Variants in CHRM5 observed in about 807,000 individuals in gnomAD.
CHRM5 encodes cholinergic receptor muscarinic 5, also known as muscarinic acetylcholine receptor M5.
CHRM5 carries 18 observed loss-of-function variants against 39.0 expected under a neutral mutation model. The observed-to-expected ratio is 0.46, with a 90% confidence interval of 0.32 to 0.68. The LOEUF (loss-of-function observed/expected upper bound fraction) is 0.68. Among genes scored for constraint, CHRM5 ranks in the 30% least tolerant of loss-of-function variants. The pLI is 0.04. For missense variants in CHRM5, 515 were observed against 651.1 expected (o/e 0.79, Z 2.28); for synonymous variants, 241 against 246.3 (o/e 0.98, Z 0.20).
rs1296613659 is a variant in CHRM5, at chr15:34,062,815, T to C, written c.98T>C (p.Ile33Thr). The C allele has an allele frequency of 1.9e-6, 3 of 1,614,226 alleles. No homozygotes were observed. Among genetic ancestry groups the C allele is most frequent in the East Asian group, 2.2e-5 (1 of 44,886 alleles). The part of the protein sequence containing the change: ...ERHRLWEVIT[I>T]AAVTAVVSLI... ...CACAGGTTGTGGGAAGTCATCACCA[T>C]TGCAGCTGTGACTGCTGTGGTAAGC... is the stretch of plus-strand genomic sequence containing the variant. The change falls in exon 3 of 3, where the codon ATT becomes ACT. Residue 33 changes from isoleucine (I) to threonine (T), a missense_variant. Transcript: ENST00000383263.
chr15:34,058,336 C>T (rs1336663859), intron 2 of CHRM5, among the ~76,000 whole-genome samples: 2 of 152,058 alleles, frequency 1.3e-5, no homozygotes, highest in Non-Finnish European at 2.9e-5. Flanking sequence ...TAAAAAATTA[C>T]AGGAGGTCAT....
chr15:34,066,234 A>G lies in CHRM5; in HGVS notation c.*1918A>G, dbSNP rs1453517607. 2 of 152,246 alleles carry G rather than the reference A, an allele frequency of 1.3e-5. No individual in the cohort carries two copies. The highest frequency in any genetic ancestry group is 2.1e-4 in the South Asian group (1 of 4,838). The allele number at this position is 152,246 out of a possible 1,614,324, so 9.4% of individuals were successfully genotyped here. A position where few individuals can be genotyped will look rare whatever the true frequency, so the allele number is the denominator to read the frequency against. ...GAGGCTTTCGGGCCTCCGTGATGCC[A>G]ACTGGGTGTGACTTCATGAGCAAAC... On this transcript the variant is annotated 3_prime_UTR_variant, in exon 3 of 3. Coordinates refer to ENST00000383263, the MANE Select transcript of CHRM5 (RefSeq NM_012125.4).
At chr15:33,973,576 C>T (rs1233298147) in intron 1 of CHRM5, among the ~76,000 whole-genome samples, 1 of 152,008 alleles carries the variant, frequency 6.6e-6, no homozygotes, top group Non-Finnish European at 1.5e-5. Flanking sequence ...TATGGCCAAG[C>T]GCAACCTGTA....
chr15:34,012,612 G>C (rs1001720681), intron 1 of CHRM5, among the ~76,000 whole-genome samples: 1 of 152,108 alleles, frequency 6.6e-6, no homozygotes, highest in Admixed American at 6.5e-5. Flanking sequence ...ATCTACCAGC[G>C]TAAGTCTGGT....
At chr15:33,981,612 GAGTGCAAT>G (rs1409488784) in intron 1 of CHRM5, among the ~76,000 whole-genome samples, 1 of 152,156 alleles carries the variant, frequency 6.6e-6, no homozygotes. Context: ...CAGGGGGCGA[GAGTGCAAT>G]ATAAAGAATA....
intron 1 of CHRM5, among the ~76,000 whole-genome samples, chr15:34,017,728 C>T (rs1898003069): frequency 6.6e-6 from 1 of 152,118 alleles, no homozygotes; most frequent in Non-Finnish European, 1.5e-5. Context: ...GATCCACCCA[C>T]CTCAGCCTCC....
chr15:33,979,601 T>C (rs1032885806), intron 1 of CHRM5, among the ~76,000 whole-genome samples: 3 of 152,400 alleles, frequency 2.0e-5, no homozygotes, highest in South Asian at 2.1e-4. Flanking sequence ...TCAACCTTTA[T>C]GAGCCTCGGT....
chr15:33,992,465 C>T (rs61134341), intron 1 of CHRM5, among the ~76,000 whole-genome samples: 13 of 152,162 alleles, frequency 8.5e-5, no homozygotes, highest in South Asian at 2.1e-4. Context: ...TTTTTGTTAT[C>T]GGAGTTTTCC....
Position 34,062,853 on chromosome 15 carries a change from G to T in CHRM5, c.136G>T (p.Val46Leu). Reference protein sequence around the residue: ...VTAVVSLITIVGNVLVMISFK... With the variant: ...VTAVVSLITILGNVLVMISFK... ...TGCTGTGGTAAGCCTGATCACCATT[G>T]TGGGCAATGTCTTGGTCATGATCTC... is the stretch of plus-strand genomic sequence containing the variant. Residue 46 changes from valine to leucine, a missense_variant, in exon 3 of 3, where the codon GTG (valine) becomes TTG (leucine). Transcript: ENST00000383263. The T allele has an allele frequency of 1.9e-6, 3 of 1,614,222 alleles. No homozygotes were observed. Among genetic ancestry groups the T allele is most frequent in the Non-Finnish European group, 2.5e-6 (3 of 1,180,044 alleles).
At chr15:34,001,738 A>G (rs1181272832) in intron 1 of CHRM5, among the ~76,000 whole-genome samples, 1 of 152,132 alleles carries the variant, frequency 6.6e-6, no homozygotes, top group Non-Finnish European at 1.5e-5. Flanking sequence ...CCTGACTCAC[A>G]ATTTTATGAT....
At chr15:33,996,373 C>A (rs1896933814) in intron 1 of CHRM5, among the ~76,000 whole-genome samples, 1 of 149,934 alleles carries the variant, frequency 6.7e-6, no homozygotes, top group Non-Finnish European at 1.5e-5. Context: ...GACAGACTGC[C>A]TCCTCAAGTG....
chr15:34,038,590 C>T (rs930111949), intron 1 of CHRM5, among the ~76,000 whole-genome samples: 32 of 147,396 alleles, frequency 2.2e-4, no homozygotes, highest in African/African-American at 7.8e-4. Flanking sequence ...GAGGGCCAAG[C>T]GCATACCCAG....
chr15:34,021,953 T>C (rs1378283382), intron 1 of CHRM5, among the ~76,000 whole-genome samples: 1 of 152,244 alleles, frequency 6.6e-6, no homozygotes, highest in African/African-American at 2.4e-5. Context: ...GCAAGCAGCA[T>C]TCTTAAAGTC....
At chr15:33,969,805 A>G (rs965558375) in intron 1 of CHRM5, among the ~76,000 whole-genome samples, 1 of 152,058 alleles carries the variant, frequency 6.6e-6, no homozygotes, top group African/African-American at 2.4e-5. Flanking sequence ...GTACCTTAAA[A>G]CCTCAAAAGC....
chr15:34,010,107 C>T (rs867222543), intron 1 of CHRM5, among the ~76,000 whole-genome samples: 2 of 152,210 alleles, frequency 1.3e-5, no homozygotes, highest in South Asian at 2.1e-4. Context: ...CTTCAAGCCC[C>T]TACCTTTAAT....
At chr15:34,007,452 C>T (rs116573318) in intron 1 of CHRM5, among the ~76,000 whole-genome samples, 23 of 152,174 alleles carry the variant, frequency 1.5e-4, no homozygotes, top group African/African-American at 5.6e-4. Context: ...AAACCAGGCA[C>T]GCTTTTCCTC....
At chr15:33,982,056 A>G (rs1896174815) in intron 1 of CHRM5, among the ~76,000 whole-genome samples, 2 of 151,544 alleles carry the variant, frequency 1.3e-5, no homozygotes, top group Non-Finnish European at 1.5e-5. Flanking sequence ...TAGTAGAGAC[A>G]AGATTTCACC....
At chr15:34,025,124 C>G (rs1212695467) in intron 1 of CHRM5, among the ~76,000 whole-genome samples, 1 of 151,998 alleles carries the variant, frequency 6.6e-6, no homozygotes, top group South Asian at 2.1e-4. Context: ...AAGCAGAGAT[C>G]GCACCACTGC....
intron 1 of CHRM5, among the ~76,000 whole-genome samples, chr15:34,028,916 G>A (rs1597369459): frequency 3.9e-5 from 6 of 152,184 alleles, no homozygotes; most frequent in African/African-American, 1.4e-4. Flanking sequence ...AAAATTGGGA[G>A]AGAAAGTAAG....
Sources: allele counts gnomAD v4.1 joint callset (sites outside exome capture counted in the v4.1 genomes callset), GRCh38; gene constraint gnomAD v4.1.1; transcripts MANE v1.5; gene names NCBI Gene and HGNC (gene_info 2026-07-23, HGNC 2026-07-21).